The following TMEM117 variants were observed in gnomAD, a reference collection of about 807,000 sequenced individuals.
The protein encoded by TMEM117 is transmembrane protein 117.
TMEM117 carries 27 observed loss-of-function variants against 52.4 expected under a neutral mutation model. The observed-to-expected ratio is 0.51, with a 90% confidence interval of 0.38 to 0.71. The LOEUF is 0.71. Ranked by LOEUF, TMEM117 falls within the 30% of genes least tolerant of loss-of-function variation. The pLI is 0.00. For synonymous variants in TMEM117, 215 were observed against 206.3 expected (o/e 1.04, Z -0.36); for missense variants, 556 against 630.5 (o/e 0.88, Z 1.26).
intron 5 of TMEM117, among the ~76,000 whole-genome samples, chr12:44,212,158 A>G (rs1342806710): frequency 5.9e-5 from 9 of 152,218 alleles, no homozygotes; most frequent in Non-Finnish European, 8.8e-5. Context: ...GCAGTCTGAA[A>G]ATATTAAATG....
chr12:44,236,805 C>T (rs974192761), intron 5 of TMEM117, among the ~76,000 whole-genome samples: 1 of 152,016 alleles, frequency 6.6e-6, no homozygotes, highest in Admixed American at 6.6e-5. Context: ...AAGTTCAAGG[C>T]TTGAGGCATC....
intron 2 of TMEM117, among the ~76,000 whole-genome samples, chr12:43,943,166 G>T (rs1945072638): frequency 1.1e-5 from 1 of 90,986 alleles, no homozygotes; most frequent in Non-Finnish European, 2.0e-5. Flanking sequence ...AACAGAGCAA[G>T]ACTCTGTCTC....
chr12:44,345,699 A>C (rs1260195134), intron 6 of TMEM117, among the ~76,000 whole-genome samples: 1 of 152,150 alleles, frequency 6.6e-6, no homozygotes, highest in Non-Finnish European at 1.5e-5. Context: ...GCTAATTGCT[A>C]TTCATTTACA....
intron 3 of TMEM117, among the ~76,000 whole-genome samples, chr12:44,109,889 G>C (rs958143030): frequency 5.6e-5 from 4 of 71,004 alleles, no homozygotes; most frequent in African/African-American, 3.5e-4. Context: ...TCCTTGAGCA[G>C]TGGTTTGTAG....
At chr12:44,152,792 AATAT>A (rs1426391850) in intron 4 of TMEM117, among the ~76,000 whole-genome samples, 2 of 141,158 alleles carry the variant, frequency 1.4e-5, no homozygotes, top group Admixed American at 7.5e-5. Context: ...GTGTCACATA[AATAT>A]ATATACATTA....
chr12:43,797,891 A>C, the TMEM117 span: 2 of 1,555,590 alleles, frequency 1.3e-6, no homozygotes, highest in African/African-American at 2.8e-5. Flanking sequence ...TATGGCAAAC[A>C]TAAGAAAACC....
rs760510536 is a variant in TMEM117 at position 43,844,936 on chromosome 12, C to G, written c.277+8C>G. On this transcript the variant is annotated splice_region_variant and intron_variant, in intron 2 of 7. Coordinates refer to ENST00000266534, the MANE Select transcript of TMEM117 (RefSeq NM_032256.3). ...TCCATCAGCGTTTGTTTGGTAAGTA[C>G]CATGACCCATGAAATGTAATATCAC... The G allele has an allele frequency of 6.3e-7, 1 of 1,597,320 alleles. No homozygotes were observed. The highest frequency in any genetic ancestry group is 8.5e-7 in the Non-Finnish European group (1 of 1,175,262).
chr12:44,135,362 G>A (rs1207276403), intron 3 of TMEM117, among the ~76,000 whole-genome samples: 1 of 152,098 alleles, frequency 6.6e-6, no homozygotes, highest in Non-Finnish European at 1.5e-5. Context: ...AAGTATCAGG[G>A]TCATGGTCTA....
At chr12:44,095,148 C>T (rs1378504216) in intron 3 of TMEM117, among the ~76,000 whole-genome samples, 1 of 152,082 alleles carries the variant, frequency 6.6e-6, no homozygotes, top group African/African-American at 2.4e-5. Context: ...GGACACTTGT[C>T]TGTGCTGTAC....
At chr12:44,304,460 T>A (rs1950879643) in intron 6 of TMEM117, among the ~76,000 whole-genome samples, 1 of 152,190 alleles carries the variant, frequency 6.6e-6, no homozygotes, top group African/African-American at 2.4e-5. Context: ...GTAGACTTTG[T>A]GTCATGCGAC....
the TMEM117 span, among the ~76,000 whole-genome samples, chr12:43,807,766 G>A: frequency 6.6e-6 from 1 of 152,186 alleles, no homozygotes; most frequent in Non-Finnish European, 1.5e-5. Context: ...ACCAGAAAGT[G>A]CTTATTTACT....
chr12:43,920,894 C>T (rs1944682988), intron 2 of TMEM117, among the ~76,000 whole-genome samples: 1 of 152,026 alleles, frequency 6.6e-6, no homozygotes, highest in South Asian at 2.1e-4. Flanking sequence ...AGTCTGTCAC[C>T]CTCCTGTGGT....
At chr12:43,871,023 G>T (rs180750280) in intron 2 of TMEM117, among the ~76,000 whole-genome samples, 1 of 152,104 alleles carries the variant, frequency 6.6e-6, no homozygotes, top group Non-Finnish European at 1.5e-5. Flanking sequence ...GACCTCAGGC[G>T]ATCCACCCGC....
the TMEM117 span, among the ~76,000 whole-genome samples, chr12:43,809,361 G>A: frequency 6.6e-6 from 1 of 152,146 alleles, no homozygotes; most frequent in African/African-American, 2.4e-5. Context: ...ACACATAGAA[G>A]TTGTATGACC....
intron 5 of TMEM117, among the ~76,000 whole-genome samples, chr12:44,276,675 A>G (rs1288496141): frequency 6.6e-6 from 1 of 152,166 alleles, no homozygotes; most frequent in African/African-American, 2.4e-5. Flanking sequence ...GATAATGCAT[A>G]TGTCAAATAG....
intron 4 of TMEM117, among the ~76,000 whole-genome samples, chr12:44,172,774 G>C (rs1949065326): frequency 6.6e-6 from 1 of 152,104 alleles, no homozygotes; most frequent in African/African-American, 2.4e-5. Flanking sequence ...ACCCAGGCTG[G>C]AGTGCAGTGA....
intron 5 of TMEM117, among the ~76,000 whole-genome samples, chr12:44,282,151 C>T (rs908040194): frequency 6.6e-5 from 10 of 152,138 alleles, no homozygotes; most frequent in African/African-American, 2.2e-4. Context: ...TTTCGCCTCC[C>T]ACCATGATTC....
At chr12:44,109,998 GCTCT>G (rs1230337388) in intron 3 of TMEM117, among the ~76,000 whole-genome samples, 2 of 91,954 alleles carry the variant, frequency 2.2e-5, no homozygotes, top group African/African-American at 5.7e-5. Context: ...CCATGATTTG[GCTCT>G]CTGTTTGTCT....
chr12:44,043,825 G>A (rs1464912395), intron 3 of TMEM117, among the ~76,000 whole-genome samples: 1 of 152,158 alleles, frequency 6.6e-6, no homozygotes, highest in South Asian at 2.1e-4. Context: ...GAACAGGCAT[G>A]GGAATGGATA....
Sources: allele counts gnomAD v4.1 joint callset (sites outside exome capture counted in the v4.1 genomes callset), GRCh38; gene constraint gnomAD v4.1.1; transcripts MANE v1.5; gene names NCBI Gene and HGNC (gene_info 2026-07-23, HGNC 2026-07-21).